Variants in DYNC2H1 observed in about 807,000 individuals in gnomAD.
The protein encoded by DYNC2H1 is cytoplasmic dynein 2 heavy chain 1.
Under a neutral mutation model 570.0 loss-of-function variants are expected in DYNC2H1, and 410 were observed. The observed-to-expected ratio is 0.72, with a 90% CI of 0.66 to 0.78. The LOEUF (loss-of-function observed/expected upper bound fraction) is 0.78, where lower values mean the gene tolerates loss of function less well. Ranked by LOEUF, DYNC2H1 falls within the 30% of genes least tolerant of loss-of-function variation. DYNC2H1 has a pLI of 0.00. For synonymous variants in DYNC2H1, 1,688 were observed against 1,677.6 expected (o/e 1.01, Z -0.15); for missense variants, 4,865 against 5,046.4 (o/e 0.96, Z 1.09).
intron 75 of DYNC2H1, 157 bp downstream of exon 75, chr11:103,287,762 T>C (rs1866406322): frequency 1.0e-5 from 7 of 691,400 alleles, no homozygotes; most frequent in East Asian, 3.0e-5. Context: ...TTTAGAAAAA[T>C]AATTCTCGGC....
rs1865597898 is a variant in DYNC2H1, at chr11:103,268,774, G to C, written c.10695+8797G>C. ...AAAAGAGAATATAAACTTCCTTCTT[G>C]TTCATTTGAAATATTAGTAGCTTTT... On this transcript the variant is annotated intron_variant, in intron 70 of 88. Coordinates refer to ENST00000375735, the MANE Select transcript of DYNC2H1 (RefSeq NM_001377.3). The surrounding 1 kb of genome is among the most constrained non-coding windows in gnomAD (Gnocchi z 4.6). Among the ~76,000 whole-genome samples the C allele has an allele frequency of 6.6e-6, 1 of 151,800 alleles. No homozygotes were observed. Among genetic ancestry groups the C allele is most frequent in the South Asian group, 2.1e-4 (1 of 4,826 alleles).
At chr11:103,317,040 A>ACCCCCTAAG (rs1937887444) in intron 80 of DYNC2H1, among the ~76,000 whole-genome samples, 1 of 152,164 alleles carries the variant, frequency 6.6e-6, no homozygotes, top group Non-Finnish European at 1.5e-5. Context: ...CAGCAAATAA[A>ACCCCCTAAG]GCCATTTAAT....
rs1422918953 is a variant in DYNC2H1 at position 103,179,128 on chromosome 11, G to T, written c.6242G>T (p.Gly2081Val). 6.2e-7 allele frequency: 1 copy of T among 1,613,066 alleles called. No individual in the cohort carries two copies. ...DDNRLLTMPS[G>V]ERIQFGPNVN... ...AATCGACTGCTGACTATGCCCAGTG[G>T]AGAAAGGATTCAGTTTGGCCCAAAT... Residue 2081 changes from glycine to valine, a missense_variant, in exon 39 of 89, where the codon GGA (glycine) becomes GTA (valine). Gly to Val is a moderately radical substitution (Grantham distance 109). Coordinates refer to ENST00000375735, the MANE Select transcript of DYNC2H1 (RefSeq NM_001377.3).
intron 87 of DYNC2H1, among the ~76,000 whole-genome samples, chr11:103,462,141 C>T (rs1242407245): frequency 6.6e-6 from 1 of 152,038 alleles, no homozygotes; most frequent in African/African-American, 2.4e-5. Flanking sequence ...AAATCAGGTT[C>T]CACCTTTCAT....
At chr11:103,398,949 T>C (rs1267344380) in intron 83 of DYNC2H1, among the ~76,000 whole-genome samples, 2 of 152,168 alleles carry the variant, frequency 1.3e-5, no homozygotes, top group Non-Finnish European at 2.9e-5. Flanking sequence ...TTGAAAAAAA[T>C]GCCCATTCAC....
At chr11:103,449,377 G>T (rs1194940340) in intron 85 of DYNC2H1, among the ~76,000 whole-genome samples, 1 of 152,162 alleles carries the variant, frequency 6.6e-6, no homozygotes, top group Non-Finnish European at 1.5e-5. Context: ...AGGAAGGAAG[G>T]CCAACAGTTA....
chr11:103,224,100 A>AGCAT (rs1372513541), intron 59 of DYNC2H1, among the ~76,000 whole-genome samples: 1 of 152,168 alleles, frequency 6.6e-6, no homozygotes, highest in Non-Finnish European at 1.5e-5. Context: ...GGAAATGCTT[A>AGCAT]GCATGTATTT....
intron 83 of DYNC2H1, among the ~76,000 whole-genome samples, chr11:103,366,109 G>T (rs1417021252): frequency 6.6e-6 from 1 of 152,218 alleles, no homozygotes; most frequent in Non-Finnish European, 1.5e-5. Flanking sequence ...CAACAAAAAT[G>T]ATGGATTTGG....
At chr11:103,388,015 G>C (rs1941965095) in intron 83 of DYNC2H1, among the ~76,000 whole-genome samples, 1 of 152,114 alleles carries the variant, frequency 6.6e-6, no homozygotes, top group Non-Finnish European at 1.5e-5. Context: ...GAACTTTAAA[G>C]TAGTTTTTTT....
rs1864591652 is a variant in DYNC2H1 at position 103,245,834 on chromosome 11, A to G, written c.10042+460A>G. ...TTGCTATGTTAATTCTTTTCTGCAT[A>G]GGAACCCAGCCCAGTCTTGGATGAT... is the stretch of plus-strand genomic sequence containing the variant. On this transcript the variant is annotated intron_variant, in intron 65 of 88. Coordinates refer to ENST00000375735, the MANE Select transcript of DYNC2H1 (RefSeq NM_001377.3). The surrounding 1 kb of genome is among the most constrained non-coding windows in gnomAD (Gnocchi z 4.5). 6.6e-6 allele frequency among the ~76,000 whole-genome samples: 1 copy of G among 152,102 alleles called. No homozygotes were observed. The highest frequency in any genetic ancestry group is 2.4e-5 in the African/African-American group (1 of 41,446).
intron 84 of DYNC2H1, among the ~76,000 whole-genome samples, chr11:103,429,260 CAAA>C (rs35977617): frequency 3.4e-5 from 5 of 148,010 alleles, no homozygotes; most frequent in Admixed American, 3.4e-4. Flanking sequence ...GACCCTGTCT[CAAA>C]AAAAAAACAA....
intron 84 of DYNC2H1, among the ~76,000 whole-genome samples, chr11:103,431,021 T>G (rs1943869197): frequency 6.6e-6 from 1 of 152,122 alleles, no homozygotes; most frequent in Non-Finnish European, 1.5e-5. Flanking sequence ...AACAAATGAT[T>G]GGCAAATAGC....
intron 83 of DYNC2H1, among the ~76,000 whole-genome samples, chr11:103,370,935 C>A (rs1941119924): frequency 2.0e-5 from 3 of 152,040 alleles, no homozygotes; most frequent in African/African-American, 7.2e-5. Context: ...AGCATTAACA[C>A]CATCCAGGAA....
chr11:103,116,410 A>T (rs896507870), intron 4 of DYNC2H1, among the ~76,000 whole-genome samples, 160 bp from the exon 5 acceptor site: 10 of 152,116 alleles, frequency 6.6e-5, no homozygotes, highest in African/African-American at 2.4e-4. Flanking sequence ...ATTATAGGGT[A>T]TTTGCATATG....
At chr11:103,258,389 C>T (rs930418465) in intron 69 of DYNC2H1, among the ~76,000 whole-genome samples, 2 of 152,162 alleles carry the variant, frequency 1.3e-5, no homozygotes, top group African/African-American at 4.8e-5. Flanking sequence ...TGTTGAGTAT[C>T]GTATTAATCC....
At position 103,303,797 on chromosome 11, in the gene DYNC2H1, G is replaced by A. The variant is rs1261390101; in HGVS notation, c.11256+544G>A. 8.5e-5 allele frequency among the ~76,000 whole-genome samples: 13 copies of A among 152,146 alleles called. No homozygotes were observed. In the East Asian group the frequency reaches 2.1e-3, roughly 25 times the overall value. On this transcript the variant is annotated intron_variant, in intron 76 of 88. Coordinates refer to ENST00000375735, the MANE Select transcript of DYNC2H1 (RefSeq NM_001377.3). Reference sequence around the variant, plus strand: ...CGCCAGAAGTCTGATGGTAATTTAAGGCACTAAATCTGTTGTAATTTCTTA... The same window carrying A: ...CGCCAGAAGTCTGATGGTAATTTAAAGCACTAAATCTGTTGTAATTTCTTA...
Position 103,241,665 on chromosome 11 carries a change from C to T in DYNC2H1, c.9820-2028C>T. On this transcript the variant is annotated intron_variant, in intron 63 of 88. Coordinates refer to ENST00000375735, the MANE Select transcript of DYNC2H1 (RefSeq NM_001377.3). The surrounding 1 kb of genome is among the most constrained non-coding windows in gnomAD (Gnocchi z 5.1). ...TTAGATCAAAAACCTAGGTGCAGCACCATGGTAACACTTCACAGGCTATTT... is the reference window on the plus strand; with the variant it reads ...TTAGATCAAAAACCTAGGTGCAGCATCATGGTAACACTTCACAGGCTATTT... 1 of 782,422 alleles carries T rather than the reference C, an allele frequency of 1.3e-6. No individual in the cohort carries two copies. The highest frequency in any genetic ancestry group is 1.8e-5 in the African/African-American group (1 of 57,042). The allele number at this position is 782,422 out of a possible 1,614,324, so 48.5% of individuals were successfully genotyped here. A position where few individuals can be genotyped will look rare whatever the true frequency, so the allele number is the denominator to read the frequency against.
At chr11:103,322,473 A>G (rs1052667981) in intron 81 of DYNC2H1, among the ~76,000 whole-genome samples, 1 of 152,154 alleles carries the variant, frequency 6.6e-6, no homozygotes, top group African/African-American at 2.4e-5. Flanking sequence ...GTTCCCTTCT[A>G]GTTACTACCT....
At chr11:103,373,897 A>G (rs1309802390) in intron 83 of DYNC2H1, among the ~76,000 whole-genome samples, 1 of 152,062 alleles carries the variant, frequency 6.6e-6, no homozygotes, top group Non-Finnish European at 1.5e-5. Flanking sequence ...TACAGTTGCT[A>G]CATCCTCTTT....
Sources: gnomAD v4.1 joint callset for allele counts (sites outside exome capture counted in the v4.1 genomes callset) on GRCh38, gnomAD v4.1.1 for gene constraint, Gnocchi (gnomAD v3.1) non-coding constraint, MANE v1.5 for transcripts, NCBI Gene and HGNC (gene_info 2026-07-23, HGNC 2026-07-21) for gene names.